Variants in BCL11B observed in about 807,000 individuals in gnomAD.
BCL11B encodes B-cell lymphoma/leukemia 11B.
BCL11B carries 8 observed loss-of-function variants against 49.9 expected under a neutral mutation model. That is an observed-to-expected ratio of 0.16 (90% CI 0.09 to 0.29). The LOEUF (loss-of-function observed/expected upper bound fraction) is 0.29. Among genes scored for constraint, BCL11B ranks in the 10% least tolerant of loss-of-function variants. The pLI, the probability that BCL11B is intolerant of heterozygous loss-of-function variation, is 1.00. For synonymous variants in BCL11B, 739 were observed against 637.4 expected (o/e 1.16, Z -2.40); for missense variants, 1,006 against 1,351.0 (o/e 0.74, Z 4.00).
rs1886466631 is a variant in BCL11B, at chr14:99,175,319, G to A, written c.1517C>T (p.Ala506Val). 6.5e-7 allele frequency: 1 copy of A among 1,544,706 alleles called. No homozygotes were observed. Among genetic ancestry groups the A allele is most frequent in the Middle Eastern group, 2.1e-4 (1 of 4,758 alleles). ...SSPEPGTSEL[A>V]GEGLKAADGD... ...GTCGGCCGCCTTGAGGCCCTCGCCC[G>A]CCAGCTCGCTGGTGCCGGGCTCGGG... Residue 506 changes from alanine (A) to valine (V), a missense_variant, in exon 4 of 4, where the codon GCG becomes GTG. Around this residue, in one of 6 missense-constraint regions of BCL11B, gnomAD observed 443 missense variants for 499.7 expected, o/e 0.89. Transcript: ENST00000357195.
chr14:99,171,417 GTTTTTT>G lies in BCL11B; in HGVS notation c.*2728_*2733del, dbSNP rs768070518. 1 of 190,006 alleles carries G rather than the reference GTTTTTT, an allele frequency of 5.3e-6. No individual in the cohort carries two copies. Among genetic ancestry groups the G allele is most frequent in the Non-Finnish European group, 1.1e-5 (1 of 93,684 alleles). The allele number at this position is 190,006 out of a possible 1,614,324, so 11.8% of individuals were successfully genotyped here. ...ATATTATGGCAGCCTGTTTGTTTTTGTTTTTTTTTTCTTTTTATTTCCAAATTCACT... is the reference window on the plus strand; with the variant it reads ...ATATTATGGCAGCCTGTTTGTTTTTGTTTTCTTTTTATTTCCAAATTCACT... On this transcript the variant is annotated 3_prime_UTR_variant, in exon 4 of 4. Transcript: ENST00000357195.
intron 2 of BCL11B, among the ~76,000 whole-genome samples, chr14:99,250,439 TA>T (rs1199742089): frequency 6.6e-6 from 1 of 152,014 alleles, no homozygotes; most frequent in Non-Finnish European, 1.5e-5. Context: ...AATAAATAAA[TA>T]AATTTTACAT....
At chr14:99,188,109 G>A (rs1886910867) in intron 3 of BCL11B, among the ~76,000 whole-genome samples, 1 of 152,208 alleles carries the variant, frequency 6.6e-6, no homozygotes, top group South Asian at 2.1e-4. Flanking sequence ...TGCGGGGATT[G>A]ATAAAGCACA....
At chr14:99,261,685 G>A (rs1444751335) in intron 1 of BCL11B, among the ~76,000 whole-genome samples, 22 of 152,228 alleles carry the variant, frequency 1.4e-4, no homozygotes, top group Admixed American at 5.2e-4. Context: ...CCCAAGTGTC[G>A]GGCAGCCCTG....
At chr14:99,204,403 T>A (rs1004865823) in intron 3 of BCL11B, among the ~76,000 whole-genome samples, 6 of 152,188 alleles carry the variant, frequency 3.9e-5, no homozygotes, top group African/African-American at 1.4e-4. Context: ...CCCGAGCTCT[T>A]CCATCTGCAG....
intron 3 of BCL11B, among the ~76,000 whole-genome samples, chr14:99,180,863 A>G (rs1372245695): frequency 4.6e-5 from 7 of 152,318 alleles, no homozygotes; most frequent in South Asian, 4.1e-4. Flanking sequence ...ACTTGCAAAC[A>G]TTGAGGAAAC....
Position 99,241,120 on chromosome 14 carries a change from C to T in BCL11B, c.428-9563G>A, listed in dbSNP as rs1486331322. 6.6e-6 allele frequency among the ~76,000 whole-genome samples: 1 copy of T among 152,146 alleles called. No individual in the cohort carries two copies. Among genetic ancestry groups the T allele is most frequent in the Non-Finnish European group, 1.5e-5 (1 of 68,028 alleles). On this transcript the variant is annotated intron_variant, in intron 2 of 3. Coordinates refer to ENST00000357195, the MANE Select transcript of BCL11B (RefSeq NM_138576.4). This position sits in a 1 kb window ranked among gnomAD's most constrained non-coding sequence, Gnocchi z 4.4. The stretch of plus-strand genomic sequence containing the variant: ...GCAAAGATCCCGCGATAAGACAAGC[C>T]TCTTCTCCCTACAGGAGTGCCCAGT...
At chr14:99,238,474 C>A (rs1888568039) in intron 2 of BCL11B, among the ~76,000 whole-genome samples, 1 of 152,222 alleles carries the variant, frequency 6.6e-6, no homozygotes. Context: ...GACCCAAGGA[C>A]TGGTGAAGTT....
intron 3 of BCL11B, among the ~76,000 whole-genome samples, chr14:99,189,901 G>T (rs117879425): frequency 0.029 from 4,479 of 152,308 alleles, 86 homozygotes; most frequent in Non-Finnish European, 0.05. Context: ...AGAGGTCCAG[G>T]CCCAGGGGAG....
chr14:99,264,531 A>G (rs888411260), intron 1 of BCL11B: 1 of 151,946 alleles, frequency 6.6e-6, no homozygotes, highest in Non-Finnish European at 1.5e-5. Flanking sequence ...GAAGTGACTT[A>G]ATTTTGTGTG....
At position 99,170,063 on chromosome 14, in the gene BCL11B, G is replaced by C. The variant is rs997591919; in HGVS notation, c.*4088C>G. 4.4e-6 allele frequency: 1 copy of C among 227,896 alleles called. No individual in the cohort carries two copies. Among genetic ancestry groups the C allele is most frequent in the Non-Finnish European group, 8.7e-6 (1 of 114,414 alleles). 14.1% of individuals were successfully genotyped at this position (227,896 alleles called of 1,614,324 possible). A position where few individuals can be genotyped will look rare whatever the true frequency, so the allele number is the denominator to read the frequency against. On this transcript the variant is annotated 3_prime_UTR_variant, in exon 4 of 4. Transcript: ENST00000357195. ...GCAGTCACAGAGACACACAATGCTTGTGCTTTGGGATGGCTTAGTCCTGGC... is the reference window on the plus strand; with the variant it reads ...GCAGTCACAGAGACACACAATGCTTCTGCTTTGGGATGGCTTAGTCCTGGC...
At chr14:99,259,685 GA>G (rs1889281607) in intron 1 of BCL11B, among the ~76,000 whole-genome samples, 1 of 152,172 alleles carries the variant, frequency 6.6e-6, no homozygotes, top group Non-Finnish European at 1.5e-5. Flanking sequence ...ACAAGGTAAA[GA>G]AACAGTCCTC....
At position 99,175,302 on chromosome 14, in the gene BCL11B, C is replaced by T; in HGVS notation, c.1534G>A (p.Ala512Thr). Residue 512 changes from alanine (A) to threonine (T), a missense_variant, in exon 4 of 4, where the codon GCG (alanine) becomes ACG (threonine). Physicochemically the swap from Ala to Thr is moderately conservative, Grantham distance 58. This residue lies in a region of BCL11B where 443 missense variants were observed against 499.7 expected (regional missense o/e 0.89). Coordinates refer to ENST00000357195, the MANE Select transcript of BCL11B (RefSeq NM_138576.4). The stretch of plus-strand genomic sequence containing the variant: ...TGGTGGCGGAAGTCACCGTCGGCCG[C>T]CTTGAGGCCCTCGCCCGCCAGCTCG... ...TSELAGEGLK[A>T]ADGDFRHHES... is the part of the protein sequence containing the mutation. 9 of 1,540,814 alleles carry T rather than the reference C, an allele frequency of 5.8e-6. No homozygotes were observed. The highest frequency in any genetic ancestry group is 7.8e-6 in the Non-Finnish European group (9 of 1,148,458).
At chr14:99,226,951 T>A (rs938284014) in intron 3 of BCL11B, among the ~76,000 whole-genome samples, 1 of 152,212 alleles carries the variant, frequency 6.6e-6, no homozygotes, top group African/African-American at 2.4e-5. Flanking sequence ...TTTCAGCATA[T>A]ACTAATGACT....
At chr14:99,181,497 C>G (rs758838714) in intron 3 of BCL11B, among the ~76,000 whole-genome samples, 4 of 152,224 alleles carry the variant, frequency 2.6e-5, no homozygotes, top group Non-Finnish European at 4.4e-5. Context: ...GCTCCAGCCC[C>G]GCCTCGGCAC....
chr14:99,269,325 G>C (rs1396003769), intron 1 of BCL11B, among the ~76,000 whole-genome samples: 1 of 152,152 alleles, frequency 6.6e-6, no homozygotes, highest in African/African-American at 2.4e-5. Flanking sequence ...CTTGGTAAAG[G>C]ATCGAAATGT....
rs893967456 is a variant in BCL11B at position 99,206,212 on chromosome 14, C to T, written c.640+25133G>A. Among the ~76,000 whole-genome samples the T allele has an allele frequency of 2.0e-5, 3 of 152,148 alleles. No homozygotes were observed. In the East Asian group the frequency reaches 5.8e-4, roughly 29 times the overall value. On this transcript the variant is annotated intron_variant, in intron 3 of 3. Coordinates refer to ENST00000357195, the MANE Select transcript of BCL11B (RefSeq NM_138576.4). ...TACTATCTCTTATCCCTGGGGGCCA[C>T]AAACTACGGGCCATGGATGTCTGCC...
chr14:99,261,452 A>G (rs560503351), intron 1 of BCL11B, among the ~76,000 whole-genome samples: 146 of 152,330 alleles, frequency 9.6e-4, no homozygotes, highest in African/African-American at 3.4e-3. Flanking sequence ...GGCTCTGCAC[A>G]GCCTCAGAGA....
rs550042499 is a variant in BCL11B at position 99,235,286 on chromosome 14, T to TA, written c.428-3730dup. On this transcript the variant is annotated intron_variant, in intron 2 of 3. Coordinates refer to ENST00000357195, the MANE Select transcript of BCL11B (RefSeq NM_138576.4). Reference sequence around the variant, plus strand: ...CTCCCTACTGGTGCCTTTCAATTGATACATTTTTTTAAGCTGAGAACTCCT... The same window carrying TA: ...CTCCCTACTGGTGCCTTTCAATTGATAACATTTTTTTAAGCTGAGAACTCCT... Among the ~76,000 whole-genome samples, 202 of 152,300 alleles carry TA rather than the reference T, an allele frequency of 1.3e-3. 3 individuals carry two copies. Among genetic ancestry groups the TA allele is most frequent in the Admixed American group, 2.7e-3 (41 of 15,302 alleles).
Sources: allele counts gnomAD v4.1 joint callset (sites outside exome capture counted in the v4.1 genomes callset), GRCh38; gene constraint gnomAD v4.1.1; regional missense constraint gnomAD v4.1.1; non-coding constraint Gnocchi (gnomAD v3.1); transcripts MANE v1.5; gene names NCBI Gene and HGNC (gene_info 2026-07-23, HGNC 2026-07-21).